The following GALNT13 variants were observed in gnomAD, a reference collection of about 807,000 sequenced individuals.
GALNT13 encodes the protein UDP-GalNAc:polypeptide N-acetylgalactosaminyltransferase 13.
GALNT13 carries 28 observed loss-of-function variants against 64.2 expected under a neutral mutation model. The ratio of observed to expected loss-of-function variants is 0.44; its 90% CI spans 0.32 to 0.60. GALNT13 has a LOEUF of 0.60. Ranked by LOEUF, GALNT13 falls within the 20% of genes least tolerant of loss-of-function variation. The probability of loss-of-function intolerance (pLI) is 0.05; values close to 1 mark genes in which losing one functional copy is unlikely to be tolerated. For synonymous variants in GALNT13, 214 were observed against 224.6 expected (o/e 0.95, Z 0.42); for missense variants, 577 against 669.8 (o/e 0.86, Z 1.53).
intron 3 of GALNT13, among the ~76,000 whole-genome samples, chr2:154,022,564 C>T (rs980748517): frequency 1.3e-5 from 2 of 151,842 alleles, no homozygotes; most frequent in Non-Finnish European, 2.9e-5. Flanking sequence ...TTTTTTATTG[C>T]GTCTATCTGA....
At chr2:153,555,990 A>G in the GALNT13 span, among the ~76,000 whole-genome samples, 2 of 152,246 alleles carry the variant, frequency 1.3e-5, no homozygotes, top group Non-Finnish European at 2.9e-5. Flanking sequence ...ATAAATTTTT[A>G]TTATAATGGT....
the GALNT13 span, among the ~76,000 whole-genome samples, chr2:153,203,583 G>A: frequency 6.6e-6 from 1 of 152,126 alleles, no homozygotes; most frequent in Non-Finnish European, 1.5e-5. Context: ...GATATGGTTA[G>A]CATGACAGGG....
chr2:153,555,939 A>C, the GALNT13 span, among the ~76,000 whole-genome samples: 1 of 152,210 alleles, frequency 6.6e-6, no homozygotes, highest in Admixed American at 6.5e-5. Context: ...CTTTTGCCTA[A>C]AGCTCGGGAA....
At chr2:153,578,344 A>G in the GALNT13 span, among the ~76,000 whole-genome samples, 21 of 152,364 alleles carry the variant, frequency 1.4e-4, 1 homozygote, top group Admixed American at 1.2e-3. Flanking sequence ...TGTATAAGCT[A>G]TAGCATCAAC....
the GALNT13 span, among the ~76,000 whole-genome samples, chr2:153,664,518 T>C: frequency 6.6e-6 from 1 of 152,074 alleles, no homozygotes; most frequent in South Asian, 2.1e-4. Context: ...CATCACAAGG[T>C]CCTGGGGCAA....
the GALNT13 span, among the ~76,000 whole-genome samples, chr2:153,206,671 A>G: frequency 6.6e-6 from 1 of 152,068 alleles, no homozygotes. Flanking sequence ...TTTATGTCTG[A>G]AGGAAGAAAA....
chr2:153,372,161 G>GAATTGGAT, the GALNT13 span, among the ~76,000 whole-genome samples: 4 of 152,188 alleles, frequency 2.6e-5, no homozygotes, highest in African/African-American at 9.7e-5. Flanking sequence ...TAGAATTGGA[G>GAATTGGAT]TGGGGAATGG....
the GALNT13 span, among the ~76,000 whole-genome samples, chr2:153,115,006 A>G: frequency 6.6e-6 from 1 of 152,310 alleles, no homozygotes; most frequent in African/African-American, 2.4e-5. Context: ...AGGGGCAATA[A>G]TACCTACCTC....
chr2:154,250,169 G>T (rs1036525767), intron 7 of GALNT13, among the ~76,000 whole-genome samples: 3 of 152,004 alleles, frequency 2.0e-5, no homozygotes, highest in African/African-American at 7.2e-5. Flanking sequence ...CAATGTCTTT[G>T]ATATGAATTA....
At chr2:153,288,538 G>T in the GALNT13 span, among the ~76,000 whole-genome samples, 1 of 152,234 alleles carries the variant, frequency 6.6e-6, no homozygotes, top group Non-Finnish European at 1.5e-5. Flanking sequence ...GAGCCTGTTC[G>T]CTCTGTATAT....
chr2:153,398,359 G>T, the GALNT13 span, among the ~76,000 whole-genome samples: 3 of 151,966 alleles, frequency 2.0e-5, no homozygotes, highest in Non-Finnish European at 2.9e-5. Context: ...TCTTTGTTAT[G>T]GTGAATAATG....
the GALNT13 span, among the ~76,000 whole-genome samples, chr2:153,347,855 G>T: frequency 2.0e-5 from 3 of 152,144 alleles, no homozygotes; most frequent in Non-Finnish European, 4.4e-5. Context: ...AAATGATTTT[G>T]CCTGCATATT....
chr2:154,063,130 TA>T (rs1376287656), intron 3 of GALNT13, among the ~76,000 whole-genome samples: 2 of 152,020 alleles, frequency 1.3e-5, no homozygotes, highest in Non-Finnish European at 2.9e-5. Flanking sequence ...CTGCAGCAAA[TA>T]TGTATTTCCT....
intron 11 of GALNT13, chr2:154,435,968 A>C (rs1700947677): frequency 6.6e-6 from 1 of 152,188 alleles, no homozygotes; most frequent in Non-Finnish European, 1.5e-5. Flanking sequence ...AAAATCAAGA[A>C]GGATATGTAT....
At chr2:153,285,961 A>G in the GALNT13 span, among the ~76,000 whole-genome samples, 1 of 152,150 alleles carries the variant, frequency 6.6e-6, no homozygotes, top group African/African-American at 2.4e-5. Context: ...TATGAAACAC[A>G]AGAGAATAAA....
intron 3 of GALNT13, among the ~76,000 whole-genome samples, chr2:153,954,164 G>A (rs1692402500): frequency 6.6e-6 from 1 of 152,102 alleles, no homozygotes; most frequent in Non-Finnish European, 1.5e-5. Flanking sequence ...AAGAATTAAA[G>A]CAATAAATTA....
At chr2:153,527,185 C>T in the GALNT13 span, among the ~76,000 whole-genome samples, 1 of 151,964 alleles carries the variant, frequency 6.6e-6, no homozygotes, top group African/African-American at 2.4e-5. Context: ...TATCTAAGTA[C>T]AAGAAGGTTA....
At chr2:153,076,951 T>G in the GALNT13 span, among the ~76,000 whole-genome samples, 1 of 151,674 alleles carries the variant, frequency 6.6e-6, no homozygotes. Context: ...TTTAAAATTT[T>G]TATATATTTA....
At chr2:153,930,159 G>T (rs1177726257) in intron 2 of GALNT13, among the ~76,000 whole-genome samples, 5 of 152,100 alleles carry the variant, frequency 3.3e-5, no homozygotes, top group Non-Finnish European at 1.5e-5. Context: ...AGAAGTGTCT[G>T]TTCATGTCTT....
Sources: gnomAD v4.1 joint callset for allele counts (sites outside exome capture counted in the v4.1 genomes callset) on GRCh38, gnomAD v4.1.1 for gene constraint, MANE v1.5 for transcripts, NCBI Gene and HGNC (gene_info 2026-07-23, HGNC 2026-07-21) for gene names.